CCDC148: variants seen among roughly 807,000 people sequenced by gnomAD.
CCDC148 encodes the protein coiled-coil domain containing 148.
In CCDC148, 89 loss-of-function variants were observed where a neutral mutation model predicts 85.7. That is an observed-to-expected ratio of 1.04 (90% CI 0.87 to 1.24). The LOEUF (loss-of-function observed/expected upper bound fraction) is 1.24. Ranked by LOEUF, CCDC148 falls within the 50% of genes most tolerant of loss-of-function variation. The probability of loss-of-function intolerance (pLI) is 0.00; values close to 1 mark genes in which losing one functional copy is unlikely to be tolerated. For missense variants in CCDC148, 692 were observed against 671.7 expected (o/e 1.03, Z -0.33); for synonymous variants, 230 against 213.9 (o/e 1.08, Z -0.66).
chr2:158,313,089 T>C (rs978068370), intron 8 of CCDC148, among the ~76,000 whole-genome samples: 5 of 152,238 alleles, frequency 3.3e-5, no homozygotes, highest in Non-Finnish European at 5.9e-5. Flanking sequence ...TACGTGTATG[T>C]TATAAGGTGA....
chr2:158,242,958 T>A (rs1396475516), intron 10 of CCDC148, among the ~76,000 whole-genome samples: 2 of 151,920 alleles, frequency 1.3e-5, no homozygotes, highest in African/African-American at 2.4e-5. Flanking sequence ...GAACTTCCTC[T>A]CCCCAGGAGG....
intron 9 of CCDC148, among the ~76,000 whole-genome samples, chr2:158,299,494 C>T (rs749348468): frequency 3.9e-5 from 6 of 152,202 alleles, no homozygotes; most frequent in Non-Finnish European, 5.9e-5. Flanking sequence ...TAGGCTGTTT[C>T]TATCCACCTC....
At chr2:158,339,404 C>T (rs1336070342) in intron 5 of CCDC148, among the ~76,000 whole-genome samples, 1 of 152,180 alleles carries the variant, frequency 6.6e-6, no homozygotes, top group Non-Finnish European at 1.5e-5. Flanking sequence ...CCTTCCCTTG[C>T]ATTCTTGCCT....
intron 11 of CCDC148, among the ~76,000 whole-genome samples, chr2:158,202,457 C>T (rs1686016858): frequency 6.6e-6 from 1 of 152,178 alleles, no homozygotes; most frequent in South Asian, 2.1e-4. Context: ...CGAGATAGAA[C>T]CCAAGTATGT....
chr2:158,387,297 T>G (rs1267605284), intron 1 of CCDC148, among the ~76,000 whole-genome samples: 1 of 151,622 alleles, frequency 6.6e-6, no homozygotes, highest in Non-Finnish European at 1.5e-5. Flanking sequence ...ATTATCTATA[T>G]CTATATCTAT....
chr2:158,366,666 A>C (rs888552428), intron 1 of CCDC148, among the ~76,000 whole-genome samples: 3 of 152,110 alleles, frequency 2.0e-5, no homozygotes, highest in African/African-American at 7.2e-5. Flanking sequence ...AATGTAGGAC[A>C]CTCTGATACA....
intron 11 of CCDC148, among the ~76,000 whole-genome samples, chr2:158,200,557 G>A (rs891310784): frequency 2.0e-5 from 3 of 152,212 alleles, no homozygotes; most frequent in Admixed American, 1.3e-4. Flanking sequence ...ACATAATTAT[G>A]TTCTAACTCT....
At chr2:158,187,352 C>T (rs75937500) in intron 11 of CCDC148, among the ~76,000 whole-genome samples, 8,400 of 152,026 alleles carry the variant, frequency 0.055, 779 homozygotes, top group African/African-American at 0.19. Context: ...CCTCTACGTA[C>T]AAACTTATTC....
At chr2:158,214,122 A>T (rs578225279) in intron 11 of CCDC148, among the ~76,000 whole-genome samples, 17 of 4,862 alleles carry the variant, frequency 3.5e-3, no homozygotes, top group Admixed American at 0.034. Context: ...ACATTGTGGT[A>T]AAAAAAAAAA....
chr2:158,386,186 A>G (rs1468662284), intron 1 of CCDC148, among the ~76,000 whole-genome samples: 2 of 152,104 alleles, frequency 1.3e-5, no homozygotes, highest in East Asian at 3.9e-4. Flanking sequence ...ACATTATAAC[A>G]CTATAAAATA....
chr2:158,433,091 A>AAAAAAAAAAAAAAAATAT (rs1553521585), intron 1 of CCDC148, among the ~76,000 whole-genome samples: 3 of 51,314 alleles, frequency 5.8e-5, no homozygotes, highest in African/African-American at 1.6e-4. Context: ...AAAAAAAAAA[A>AAAAAAAAAAAAAAAATAT]ATATATATAT....
chr2:158,290,630 T>C (rs1344936281), intron 9 of CCDC148, among the ~76,000 whole-genome samples: 1 of 152,204 alleles, frequency 6.6e-6, no homozygotes, highest in East Asian at 1.9e-4. Context: ...CATTCTATCA[T>C]TTTCTTTGCT....
At chr2:158,180,365 AG>A (rs1483824268) in intron 11 of CCDC148, among the ~76,000 whole-genome samples, 1 of 152,190 alleles carries the variant, frequency 6.6e-6, no homozygotes, top group Non-Finnish European at 1.5e-5. Context: ...ATAAAGAAAT[AG>A]AAGCATAGAC....
intron 1 of CCDC148, among the ~76,000 whole-genome samples, chr2:158,417,685 G>A (rs775198696): frequency 4.0e-5 from 6 of 151,768 alleles, no homozygotes; most frequent in South Asian, 2.1e-4. Flanking sequence ...CTCCTTTACC[G>A]TCCACATGCA....
In CCDC148 at chr2:158,215,599, G is replaced by T. The variant is rs548015262; in HGVS notation, c.1370+4996C>A. On this transcript the variant is annotated intron_variant, in intron 11 of 13. Coordinates refer to ENST00000283233, the MANE Select transcript of CCDC148 (RefSeq NM_138803.4). ...TAGGGTACATATGCACAATGTGCAG[G>T]TTTGTTACATATGTATACATGTGCC... 2.6e-5 allele frequency among the ~76,000 whole-genome samples: 4 copies of T among 151,910 alleles called. No homozygotes were observed. The East Asian group carries it at 7.7e-4, about 29-fold the overall frequency.
intron 9 of CCDC148, among the ~76,000 whole-genome samples, chr2:158,281,194 A>G (rs1356781461): frequency 2.0e-5 from 3 of 152,142 alleles, no homozygotes; most frequent in Non-Finnish European, 2.9e-5. Context: ...CAAAATTGAC[A>G]CCCTAACATC....
chr2:158,326,722 C>T (rs987601730), intron 7 of CCDC148, among the ~76,000 whole-genome samples: 2 of 151,984 alleles, frequency 1.3e-5, no homozygotes, highest in Admixed American at 6.6e-5. Flanking sequence ...AGAAACAATA[C>T]TCATATGGTT....
At chr2:158,185,516 C>T (rs535157665) in intron 11 of CCDC148, among the ~76,000 whole-genome samples, 2 of 152,162 alleles carry the variant, frequency 1.3e-5, no homozygotes, top group East Asian at 1.9e-4. Context: ...AATAAGAGCA[C>T]ATTTTCCTGT....
chr2:158,268,489 G>A (rs1689568329), intron 9 of CCDC148, among the ~76,000 whole-genome samples: 1 of 151,944 alleles, frequency 6.6e-6, no homozygotes, highest in South Asian at 2.1e-4. Context: ...ATTATATTAA[G>A]GTATACAACA....
Sources: allele counts gnomAD v4.1 joint callset (sites outside exome capture counted in the v4.1 genomes callset), GRCh38; gene constraint gnomAD v4.1.1; transcripts MANE v1.5; gene names NCBI Gene and HGNC (gene_info 2026-07-23, HGNC 2026-07-21).